ANXA11: variants seen among roughly 807,000 people sequenced by gnomAD.
ANXA11 encodes the protein annexin A11.
A neutral mutation model predicts 64.7 loss-of-function variants in ANXA11; 57 were observed. The observed-to-expected ratio is 0.88, with a 90% CI of 0.71 to 1.10. The LOEUF (loss-of-function observed/expected upper bound fraction) is 1.10, where lower values mean the gene tolerates loss of function less well. Ranked by LOEUF, ANXA11 falls within the 50% of genes least tolerant of loss-of-function variation. The pLI is 0.00. For missense variants in ANXA11, 675 were observed against 670.7 expected (o/e 1.01, Z -0.07); for synonymous variants, 260 against 265.2 (o/e 0.98, Z 0.19).
At chr10:80,198,783 CTCTT>C (rs1485315512) in intron 1 of ANXA11, among the ~76,000 whole-genome samples, 1 of 152,190 alleles carries the variant, frequency 6.6e-6, no homozygotes, top group Non-Finnish European at 1.5e-5. Flanking sequence ...CGGGGCTCCT[CTCTT>C]CATTCACAAC....
Position 80,172,888 on chromosome 10 carries a change from G to A in ANXA11, c.-8-19C>T, listed in dbSNP as rs376857095. 1 of 1,612,110 alleles carries A rather than the reference G, an allele frequency of 6.2e-7. No homozygotes were observed. On this transcript the variant is annotated intron_variant, in intron 2 of 15. Transcript: ENST00000422982. ...GTTAGATCTGGAAGAGAAGACGAAAGCACATTCAGGCTCTGCCTGAGAGCC... is the reference window on the plus strand; with the variant it reads ...GTTAGATCTGGAAGAGAAGACGAAAACACATTCAGGCTCTGCCTGAGAGCC...
In ANXA11 at chr10:80,166,888, G is replaced by A. The variant is rs772725616; in HGVS notation, c.744+2C>T. The A allele has an allele frequency of 3.2e-5, 51 of 1,601,696 alleles. No homozygotes were observed. The Admixed American group carries it at 3.7e-4, about 12-fold the overall frequency. On this transcript the variant is annotated splice_donor_variant, in intron 7 of 15. Coordinates refer to ENST00000422982, the MANE Select transcript of ANXA11 (RefSeq NM_145868.2). LOFTEE classifies it low-confidence loss of function (GC_TO_GT_DONOR). ...GTCCCGCGCCCCCACCCCGCAGCTC[G>A]CCTTGCCGTAAGCCGTCTTGAAGGA...
intron 2 of ANXA11, among the ~76,000 whole-genome samples, chr10:80,173,985 C>T (rs1203619086): frequency 6.6e-6 from 1 of 152,202 alleles, no homozygotes. Context: ...TTGAAGACCA[C>T]TGTTCTAGCC....
At chr10:80,176,751 G>T (rs1846183851) in intron 1 of ANXA11, among the ~76,000 whole-genome samples, 1 of 152,124 alleles carries the variant, frequency 6.6e-6, no homozygotes, top group Admixed American at 6.5e-5. Context: ...CTCATTCTTG[G>T]GGTGGCTTTT....
intron 1 of ANXA11, among the ~76,000 whole-genome samples, chr10:80,192,054 T>C (rs550330203): frequency 6.6e-6 from 1 of 152,196 alleles, no homozygotes; most frequent in Non-Finnish European, 1.5e-5. Context: ...TCCTCAGAGC[T>C]GCTGGCGGAC....
intron 8 of ANXA11, 114 bp from the exon 9 acceptor site, chr10:80,164,257 GAC>G: frequency 1.4e-6 from 1 of 725,056 alleles, no homozygotes; most frequent in South Asian, 1.7e-5. Context: ...AGAGGCCCCT[GAC>G]ACAGAGACAC....
At chr10:80,175,516 A>G (rs1277039523) in intron 2 of ANXA11, among the ~76,000 whole-genome samples, 2 of 152,226 alleles carry the variant, frequency 1.3e-5, no homozygotes, top group Non-Finnish European at 2.9e-5. Context: ...CAGCCAGGCC[A>G]AATAATGCAG....
Position 80,157,625 on chromosome 10 carries a change from T to C in ANXA11, c.1458+16A>G. The C allele has an allele frequency of 6.2e-7, 1 of 1,607,638 alleles. No individual in the cohort carries two copies. The highest frequency in any genetic ancestry group is 8.5e-7 in the Non-Finnish European group (1 of 1,175,754). ...ATGCCAAAAGGGAGCCCAGTTGGCCTGCAGCAGGCCCGTACCGAGATGTCG... is the reference window on the plus strand; with the variant it reads ...ATGCCAAAAGGGAGCCCAGTTGGCCCGCAGCAGGCCCGTACCGAGATGTCG... On this transcript the variant is annotated intron_variant, in intron 15 of 15. Coordinates refer to ENST00000422982, the MANE Select transcript of ANXA11 (RefSeq NM_145868.2).
At chr10:80,173,550 A>G (rs3851054) in intron 2 of ANXA11, among the ~76,000 whole-genome samples, 86,497 of 151,986 alleles carry the variant, frequency 0.57, 25,387 homozygotes, top group African/African-American at 0.72. Context: ...GAGGAAGAGC[A>G]GCCTGGACAG....
In ANXA11 at chr10:80,161,784, G is replaced by C. The variant is rs1251461747; in HGVS notation, c.1180+151C>G. On this transcript the variant is annotated intron_variant, in intron 12 of 15. Transcript: ENST00000422982. ...CCAGAACTCAGGAAACCCTCTGACA[G>C]TGTCTTTTAAATTCCCACCAGGGGG... The C allele has an allele frequency of 4.8e-6, 3 of 629,142 alleles. No individual in the cohort carries two copies. The African/African-American group carries it at 5.5e-5, about 11-fold the overall frequency. The allele number at this position is 629,142 out of a possible 1,614,324, so 39.0% of individuals were successfully genotyped here. A position where few individuals can be genotyped will look rare whatever the true frequency, so the allele number is the denominator to read the frequency against.
chr10:80,171,502 T>C (rs1845975155), intron 3 of ANXA11: 1 of 561,084 alleles, frequency 1.8e-6, no homozygotes. Flanking sequence ...GCAGGACCGG[T>C]ATGTGCCCTG....
chr10:80,178,407 G>A (rs548765493), intron 1 of ANXA11, among the ~76,000 whole-genome samples: 83 of 152,346 alleles, frequency 5.4e-4, no homozygotes, highest in African/African-American at 2.0e-3. Context: ...TCACTGGAGA[G>A]GGCCTCCTGC....
At chr10:80,170,674 C>G (rs1399225774) in intron 4 of ANXA11, 126 bp downstream of exon 4, 2 of 650,020 alleles carry the variant, frequency 3.1e-6, no homozygotes, top group Non-Finnish European at 4.7e-6. Flanking sequence ...AGGTACAGCT[C>G]AACACACTAC....
chr10:80,156,302 A>G, intron 15 of ANXA11: 1 of 407,000 alleles, frequency 2.5e-6, no homozygotes, highest in Non-Finnish European at 5.0e-6. Context: ...ATCTCCTCAC[A>G]CATGACTGTC....
At chr10:80,178,094 G>C (rs12411989) in intron 1 of ANXA11, among the ~76,000 whole-genome samples, 2 of 152,060 alleles carry the variant, frequency 1.3e-5, no homozygotes, top group African/African-American at 4.8e-5. Flanking sequence ...GCACCCCAGG[G>C]CTGCCATATC....
chr10:80,176,654 A>G (rs1846179596), intron 1 of ANXA11, among the ~76,000 whole-genome samples: 1 of 152,228 alleles, frequency 6.6e-6, no homozygotes, highest in Non-Finnish European at 1.5e-5. Flanking sequence ...TCCAAGACTA[A>G]AAGAACACAC....
intron 1 of ANXA11, among the ~76,000 whole-genome samples, chr10:80,184,962 G>C (rs147806483): frequency 2.0e-5 from 3 of 152,304 alleles, no homozygotes; most frequent in Non-Finnish European, 4.4e-5. Context: ...TTGCCAGTTA[G>C]TCAATTTTCT....
chr10:80,179,815 G>A (rs1724733207), intron 1 of ANXA11, among the ~76,000 whole-genome samples: 1 of 152,212 alleles, frequency 6.6e-6, no homozygotes, highest in Non-Finnish European at 1.5e-5. Context: ...ACAAATAGTA[G>A]TGGTCCTTCC....
rs751254253 is a variant in ANXA11, at chr10:80,169,003, G to C, written c.527C>G (p.Ser176Cys). The change falls in exon 5 of 16, where the codon TCT (serine) becomes TGT (cysteine). Residue 176 changes from serine to cysteine, a missense_variant. Transcript: ENST00000422982. ...PVPSYPGYPG[S>C]GTVTPAVPPT... ...GGGCACAGCGGGGGTGACAGTCCCA[G>C]ACCCCGGGTATCCTGGGTAGCTCGG... is the stretch of plus-strand genomic sequence containing the variant. 3.6e-5 allele frequency: 55 copies of C among 1,543,720 alleles called. No homozygotes were observed. The South Asian group carries it at 4.0e-4, about 11-fold the overall frequency.
Sources: gnomAD v4.1 joint callset for allele counts (sites outside exome capture counted in the v4.1 genomes callset) on GRCh38, gnomAD v4.1.1 for gene constraint, MANE v1.5 for transcripts, NCBI Gene and HGNC (gene_info 2026-07-23, HGNC 2026-07-21) for gene names.